The following ASB4 variants were observed in gnomAD, a reference collection of about 807,000 sequenced individuals.
The protein encoded by ASB4 is ankyrin repeat and SOCS box containing 4.
A neutral mutation model predicts 38.6 loss-of-function variants in ASB4; 35 were observed. The ratio of observed to expected loss-of-function variants is 0.91; its 90% CI spans 0.69 to 1.20. The LOEUF is 1.20. ASB4 is among the 50% of genes most tolerant of loss of function. ASB4 has a pLI of 0.00. For missense variants in ASB4, 557 were observed against 527.2 expected (o/e 1.06, Z -0.55); for synonymous variants, 195 against 201.3 (o/e 0.97, Z 0.26).
chr7:95,521,559 C>T (rs1790661959), intron 2 of ASB4, among the ~76,000 whole-genome samples: 1 of 151,866 alleles, frequency 6.6e-6, no homozygotes, highest in African/African-American at 2.4e-5. Context: ...TTCTTCCTCT[C>T]AAGTAACTAC....
chr7:95,534,428 C>T (rs1455317174), intron 3 of ASB4, among the ~76,000 whole-genome samples: 4 of 152,050 alleles, frequency 2.6e-5, no homozygotes, highest in African/African-American at 9.7e-5. Flanking sequence ...TCAGTGGCAA[C>T]TCTTGTTTGT....
intron 1 of ASB4, among the ~76,000 whole-genome samples, chr7:95,492,588 A>G (rs2116583676): frequency 6.6e-6 from 1 of 152,298 alleles, no homozygotes; most frequent in African/African-American, 2.4e-5. Context: ...TCCAGCGCTA[A>G]CATTCTGTGT....
the ASB4 span, among the ~76,000 whole-genome samples, chr7:95,547,033 T>C: frequency 3.2e-4 from 49 of 152,304 alleles, no homozygotes; most frequent in Admixed American, 1.1e-3. Context: ...TTAGGTTAAG[T>C]ACCTCACTTA....
At chr7:95,493,534 C>T (rs1245085675) in intron 1 of ASB4, among the ~76,000 whole-genome samples, 1 of 151,960 alleles carries the variant, frequency 6.6e-6, no homozygotes, top group African/African-American at 2.4e-5. Context: ...TATTTTTTCC[C>T]CTCTGGACAG....
At chr7:95,479,474 A>G (rs557310895) in intron 1 of ASB4, among the ~76,000 whole-genome samples, 2 of 152,324 alleles carry the variant, frequency 1.3e-5, no homozygotes, top group African/African-American at 4.8e-5. Context: ...TATAGTTTTA[A>G]TTGTACTAGC....
intron 3 of ASB4, among the ~76,000 whole-genome samples, chr7:95,532,012 T>A (rs1000267891): frequency 2.6e-5 from 4 of 152,232 alleles, no homozygotes; most frequent in Admixed American, 6.5e-5. Context: ...CAAACATTTT[T>A]GTTGCTACTC....
chr7:95,542,798 G>C (rs1043143629), downstream of ASB4: 6 of 152,124 alleles, frequency 3.9e-5, no homozygotes, highest in Non-Finnish European at 7.4e-5. Flanking sequence ...TTACTAATTG[G>C]TTTTCTGTTT....
chr7:95,544,129 G>C (rs1489104920), downstream of ASB4: 1 of 152,038 alleles, frequency 6.6e-6, no homozygotes, highest in East Asian at 1.9e-4. Context: ...CAACAAAGGG[G>C]ATGATAGCCT....
upstream of ASB4, chr7:95,485,755 G>A (rs755447313): frequency 2.2e-5 from 10 of 462,154 alleles, no homozygotes; most frequent in Non-Finnish European, 3.5e-5. Context: ...TTACTGAATG[G>A]ATCAGTTAAT....
chr7:95,486,198 T>C, intron 1 of ASB4, 40 bp downstream of exon 1: 3 of 1,537,396 alleles, frequency 2.0e-6, no homozygotes, highest in Non-Finnish European at 2.7e-6. Flanking sequence ...TGTTAGAAAA[T>C]GATTTAAAAA....
chr7:95,493,542 C>G (rs746582005), intron 1 of ASB4, among the ~76,000 whole-genome samples: 1 of 152,052 alleles, frequency 6.6e-6, no homozygotes, highest in Admixed American at 6.6e-5. Flanking sequence ...CCCCTCTGGA[C>G]AGAGAGACAA....
the ASB4 span, among the ~76,000 whole-genome samples, chr7:95,549,574 G>T: frequency 1.3e-5 from 2 of 152,028 alleles, no homozygotes; most frequent in African/African-American, 4.8e-5. Flanking sequence ...TGGGATTATA[G>T]GCGTGAGCCA....
the ASB4 span, among the ~76,000 whole-genome samples, chr7:95,550,392 A>G: frequency 6.6e-6 from 1 of 152,110 alleles, no homozygotes; most frequent in African/African-American, 2.4e-5. Flanking sequence ...AGAAACTTAT[A>G]AGAGAGTCTG....
Position 95,495,792 on chromosome 7 carries a change from C to T in ASB4, c.222C>T (p.Ser74=), listed in dbSNP as rs1472458589. 1.2e-6 allele frequency: 2 copies of T among 1,608,596 alleles called. No individual in the cohort carries two copies. Among genetic ancestry groups the T allele is most frequent in the Admixed American group, 1.7e-5 (1 of 59,646 alleles). The change falls in exon 2 of 5, where the codon TCC becomes TCT. Residue 74 remains serine, a synonymous_variant. Transcript: ENST00000325885. ...YWLPSYKLKS[S]WATGLHLSVL... is the part of the protein sequence containing the mutation. ...TGCCTAGCTATAAATTGAAGTCTTCCTGGGCCACAGGCCTCCATCTCTCTG... is the reference window on the plus strand; with the variant it reads ...TGCCTAGCTATAAATTGAAGTCTTCTTGGGCCACAGGCCTCCATCTCTCTG...
At chr7:95,481,874 A>G (rs1562806735), upstream of ASB4, among the ~76,000 whole-genome samples, 1 of 152,226 alleles carries the variant, frequency 6.6e-6, no homozygotes, top group African/African-American at 2.4e-5. Flanking sequence ...TAAAAAGCTC[A>G]TCTTATAGAA....
chr7:95,498,052 T>A (rs1299676136), intron 2 of ASB4, among the ~76,000 whole-genome samples: 1 of 152,234 alleles, frequency 6.6e-6, no homozygotes, highest in Non-Finnish European at 1.5e-5. Flanking sequence ...AGGAGTGGGA[T>A]GATGGCTATG....
chr7:95,513,858 T>G (rs1051190343), intron 2 of ASB4, among the ~76,000 whole-genome samples: 4 of 152,204 alleles, frequency 2.6e-5, no homozygotes, highest in African/African-American at 9.7e-5. Flanking sequence ...ATAATGTAAG[T>G]GATTTCCTTT....
At position 95,488,641 on chromosome 7, in the gene ASB4, T is replaced by G. The variant is rs567803474; in HGVS notation, c.187+2483T>G. Among the ~76,000 whole-genome samples, 11 of 152,376 alleles carry G rather than the reference T, an allele frequency of 7.2e-5. No individual in the cohort carries two copies. In the South Asian group the frequency reaches 2.3e-3, roughly 32 times the overall value. ...GGCTGGATTAAAGTTTGTGAGACTT[T>G]ATTAAATCAAAGGAGAAGTTTTGGA... On this transcript the variant is annotated intron_variant, in intron 1 of 4. Coordinates refer to ENST00000325885, the MANE Select transcript of ASB4 (RefSeq NM_016116.3).
upstream of ASB4, among the ~76,000 whole-genome samples, chr7:95,485,585 G>C (rs1790077119): frequency 6.6e-6 from 1 of 152,114 alleles, no homozygotes. Flanking sequence ...GCAAGACGCT[G>C]GATCTCCAGC....
Sources: allele counts gnomAD v4.1 joint callset (sites outside exome capture counted in the v4.1 genomes callset), GRCh38; gene constraint gnomAD v4.1.1; transcripts MANE v1.5; gene names NCBI Gene and HGNC (gene_info 2026-07-23, HGNC 2026-07-21).